The following NFIC variants were observed in gnomAD, a reference collection of about 807,000 sequenced individuals.
NFIC encodes the protein nuclear factor I C.
Under a neutral mutation model 54.4 loss-of-function variants are expected in NFIC, and 12 were observed. The observed-to-expected ratio is 0.22, with a 90% CI of 0.14 to 0.36. The LOEUF (loss-of-function observed/expected upper bound fraction) is 0.36, where lower values mean the gene tolerates loss of function less well. Ranked by LOEUF, NFIC falls within the 10% of genes least tolerant of loss-of-function variation. The pLI is 1.00. For synonymous variants in NFIC, 322 were observed against 319.2 expected (o/e 1.01, Z -0.09); for missense variants, 575 against 718.2 (o/e 0.80, Z 2.28).
At chr19:3,420,502 C>T (rs2081935873) in intron 2 of NFIC, among the ~76,000 whole-genome samples, 1 of 151,496 alleles carries the variant, frequency 6.6e-6, no homozygotes, top group Non-Finnish European at 1.5e-5. Context: ...CTGGATCGTG[C>T]CACCGCACTC....
At chr19:3,388,983 C>T (rs559527453) in intron 2 of NFIC, among the ~76,000 whole-genome samples, 1 of 152,086 alleles carries the variant, frequency 6.6e-6, no homozygotes. Flanking sequence ...CCAGCCTGGG[C>T]GACAGAGTGA....
At chr19:3,446,070 G>A (rs2082369659) in intron 6 of NFIC, among the ~76,000 whole-genome samples, 1 of 152,120 alleles carries the variant, frequency 6.6e-6, no homozygotes, top group Admixed American at 6.5e-5. Flanking sequence ...TGCTGAGACT[G>A]AGAAATCCTG....
At chr19:3,424,039 T>A (rs1406898386) in intron 2 of NFIC, among the ~76,000 whole-genome samples, 1 of 152,100 alleles carries the variant, frequency 6.6e-6, no homozygotes, top group Admixed American at 6.6e-5. Context: ...TTATTTTATT[T>A]ATTTTGAGAC....
At chr19:3,456,131 C>T (rs2082550686) in intron 9 of NFIC, among the ~76,000 whole-genome samples, 1 of 152,252 alleles carries the variant, frequency 6.6e-6, no homozygotes, top group Non-Finnish European at 1.5e-5. Context: ...CCTCCCTCTG[C>T]CCTCTCCGGG....
chr19:3,371,988 CCTCT>C (rs1568400250), intron 1 of NFIC, among the ~76,000 whole-genome samples: 9 of 27,410 alleles, frequency 3.3e-4, no homozygotes, highest in Non-Finnish European at 5.1e-4. Flanking sequence ...TCTCTCTCTC[CCTCT>C]CTCTCCCTCT....
chr19:3,397,852 A>C (rs1033163336), intron 2 of NFIC, among the ~76,000 whole-genome samples: 1 of 152,022 alleles, frequency 6.6e-6, no homozygotes, highest in African/African-American at 2.4e-5. Flanking sequence ...TGGACCACTC[A>C]TGTGTCTGAC....
chr19:3,377,289 G>A (rs948236333), intron 1 of NFIC, among the ~76,000 whole-genome samples: 2 of 123,160 alleles, frequency 1.6e-5, no homozygotes, highest in African/African-American at 3.2e-5. Flanking sequence ...AGCTGAGATC[G>A]CATCACTGCA....
chr19:3,401,639 C>G (rs552443668), intron 2 of NFIC, among the ~76,000 whole-genome samples: 1 of 152,268 alleles, frequency 6.6e-6, no homozygotes, highest in African/African-American at 2.4e-5. Context: ...GTCCTGGTGC[C>G]CGGGAGGCCC....
chr19:3,364,259 T>C (rs576861109), upstream of NFIC, among the ~76,000 whole-genome samples: 194 of 152,092 alleles, frequency 1.3e-3, no homozygotes, highest in African/African-American at 4.4e-3. Flanking sequence ...AATCTACCAA[T>C]TGCCTTTTTA....
chr19:3,384,746 C>A (rs987937198), intron 2 of NFIC, among the ~76,000 whole-genome samples: 7 of 152,150 alleles, frequency 4.6e-5, no homozygotes, highest in Admixed American at 4.6e-4. Flanking sequence ...TCTCCTCCCC[C>A]ACCCCCACTG....
rs1391486303 is a variant in NFIC, at chr19:3,452,396, T to C, written c.1085-86T>C. On this transcript the variant is annotated intron_variant, in intron 7 of 10. Transcript: ENST00000443272. The surrounding 1 kb of genome is among the most constrained non-coding windows in gnomAD (Gnocchi z 5.3). ...AAACGCACTGAGATGCCGGCAGGAA[T>C]GACACCCACAGACACACAGTCACAC... 3 of 1,521,172 alleles carry C rather than the reference T, an allele frequency of 2.0e-6. No individual in the cohort carries two copies. Among genetic ancestry groups the C allele is most frequent in the Admixed American group, 1.8e-5 (1 of 56,320 alleles). The allele number at this position is 1,521,172 out of a possible 1,614,324, so 94.2% of individuals were successfully genotyped here.
chr19:3,418,824 C>T (rs991103661), intron 2 of NFIC, among the ~76,000 whole-genome samples: 5 of 152,130 alleles, frequency 3.3e-5, no homozygotes, highest in African/African-American at 1.2e-4. Flanking sequence ...TGCACTCCAG[C>T]CTGGGCAACA....
chr19:3,381,592 C>T, intron 1 of NFIC, 120 bp from the exon 2 acceptor site: 1 of 1,412,360 alleles, frequency 7.1e-7, no homozygotes, highest in South Asian at 1.5e-5. Context: ...CACCTCTGCC[C>T]AGCCCCTCCC....
chr19:3,366,593 G>C lies in NFIC; in HGVS notation c.-44G>C, dbSNP rs2080889267. 1.5e-6 allele frequency: 2 copies of C among 1,323,256 alleles called. No homozygotes were observed. The highest frequency in any genetic ancestry group is 2.1e-6 in the Non-Finnish European group (2 of 974,164). 82.0% of individuals were successfully genotyped at this position (1,323,256 alleles called of 1,614,324 possible). On this transcript the variant is annotated 5_prime_UTR_variant, in exon 1 of 11. Transcript: ENST00000443272. ...TTGGAAAAATGACTCAGTAAGTTCA[G>C]CGCGCCCGCTCCGGCCGGCCCTGCG...
At chr19:3,368,071 G>T (rs1046739980) in intron 1 of NFIC, among the ~76,000 whole-genome samples, 1 of 152,156 alleles carries the variant, frequency 6.6e-6, no homozygotes, top group Admixed American at 6.5e-5. Context: ...AGCTTTGGGG[G>T]GGGGGTTCCC....
At chr19:3,366,724 G>A (rs1399455790) in intron 1 of NFIC, 58 bp downstream of exon 1, 13 of 1,174,890 alleles carry the variant, frequency 1.1e-5, no homozygotes, top group African/African-American at 1.7e-5. Flanking sequence ...TCCCAGCCCC[G>A]GAGTTTTGAA....
intron 1 of NFIC, among the ~76,000 whole-genome samples, chr19:3,367,472 T>TCCCCTCCCCCTC (rs374650173): frequency 1.3e-5 from 2 of 151,192 alleles, no homozygotes; most frequent in South Asian, 4.2e-4. Context: ...ACCTGCCCCG[T>TCCCCTCCCCCTC]CCCCTCCCCC....
intron 2 of NFIC, among the ~76,000 whole-genome samples, chr19:3,412,117 CT>C (rs1395310704): frequency 6.6e-6 from 1 of 152,236 alleles, no homozygotes; most frequent in Non-Finnish European, 1.5e-5. Context: ...GGGTCTCAGT[CT>C]GTCACCCAGG....
chr19:3,454,396 G>T (rs188646983), intron 9 of NFIC: 406 of 439,090 alleles, frequency 9.2e-4, no homozygotes, highest in Non-Finnish European at 1.1e-3. Context: ...GCTACACCAG[G>T]CCCAGTTCCT....
Sources: gnomAD v4.1 joint callset for allele counts (sites outside exome capture counted in the v4.1 genomes callset) on GRCh38, gnomAD v4.1.1 for gene constraint, Gnocchi (gnomAD v3.1) non-coding constraint, MANE v1.5 for transcripts, NCBI Gene and HGNC (gene_info 2026-07-23, HGNC 2026-07-21) for gene names.